CSGALNACT1: variants seen among roughly 807,000 people sequenced by gnomAD.
CSGALNACT1 encodes chondroitin sulfate N-acetylgalactosaminyltransferase 1.
In CSGALNACT1, 52 loss-of-function variants were observed where a neutral mutation model predicts 51.0. That is an observed-to-expected ratio of 1.02 (90% CI 0.82 to 1.29). The LOEUF is 1.29. Among genes scored for constraint, CSGALNACT1 ranks in the 50% most tolerant of loss-of-function variants. CSGALNACT1 has a pLI of 0.00. For synonymous variants in CSGALNACT1, 341 were observed against 254.4 expected (o/e 1.34, Z -3.24); for missense variants, 935 against 679.2 (o/e 1.38, Z -4.19).
At chr8:19,412,052 C>T (rs547410310) in intron 8 of CSGALNACT1, among the ~76,000 whole-genome samples, 27 of 152,218 alleles carry the variant, frequency 1.8e-4, no homozygotes, top group African/African-American at 6.0e-4. Flanking sequence ...AGGCTGGTCT[C>T]GAACTCCTGA....
intron 1 of CSGALNACT1, among the ~76,000 whole-genome samples, chr8:19,667,697 A>C (rs956400979): frequency 7.2e-5 from 11 of 152,206 alleles, no homozygotes; most frequent in African/African-American, 2.7e-4. Flanking sequence ...AGAGCTTTCA[A>C]AGAGCTGCAA....
intron 3 of CSGALNACT1, among the ~76,000 whole-genome samples, chr8:19,531,088 T>C (rs1400192467): frequency 2.0e-5 from 3 of 152,244 alleles, no homozygotes; most frequent in East Asian, 3.9e-4. Context: ...TGAAAACATC[T>C]TGATGATTAA....
intron 4 of CSGALNACT1, among the ~76,000 whole-genome samples, chr8:19,471,597 G>C (rs1401855238): frequency 6.6e-6 from 1 of 152,126 alleles, no homozygotes; most frequent in Non-Finnish European, 1.5e-5. Context: ...ACCTGTAGGG[G>C]TTCGACGCCG....
intron 3 of CSGALNACT1, among the ~76,000 whole-genome samples, chr8:19,542,768 A>C (rs1036893554): frequency 6.6e-6 from 1 of 152,200 alleles, no homozygotes; most frequent in African/African-American, 2.4e-5. Flanking sequence ...CTGTCACGCA[A>C]AACAAAACAA....
At chr8:19,512,900 G>A (rs1431611799) in intron 3 of CSGALNACT1, among the ~76,000 whole-genome samples, 1 of 152,186 alleles carries the variant, frequency 6.6e-6, no homozygotes, top group Non-Finnish European at 1.5e-5. Context: ...GGTGTGTTGT[G>A]TAGAAGTAGC....
At position 19,474,869 on chromosome 8, in the gene CSGALNACT1, GA is replaced by G. The variant is rs10683237; in HGVS notation, c.635-16228del. ...GCAATAAGAGTGAAACTCTGTCTCAGAAAAAAAAAAAAAAAAAGAAAAAAAA... is the reference window on the plus strand; with the variant it reads ...GCAATAAGAGTGAAACTCTGTCTCAGAAAAAAAAAAAAAAAAGAAAAAAAA... On this transcript the variant is annotated intron_variant, in intron 4 of 9. Transcript: ENST00000454498. 2.8e-3 allele frequency among the ~76,000 whole-genome samples: 237 copies of G among 86,172 alleles called. 1 individual carries two copies. The highest frequency in any genetic ancestry group is 9.8e-3 in the African/African-American group (208 of 21,264). The allele number at this position is 86,172 out of a possible 152,430, so 56.5% of individuals were successfully genotyped here. A position where few individuals can be genotyped will look rare whatever the true frequency, so the allele number is the denominator to read the frequency against.
At chr8:19,634,526 G>C (rs1467965843) in intron 1 of CSGALNACT1, among the ~76,000 whole-genome samples, 1 of 152,144 alleles carries the variant, frequency 6.6e-6, no homozygotes, top group Non-Finnish European at 1.5e-5. Context: ...ACTTGATATG[G>C]TGATGCACAC....
intron 1 of CSGALNACT1, among the ~76,000 whole-genome samples, chr8:19,749,730 C>G (rs577019245): frequency 6.6e-6 from 1 of 152,314 alleles, no homozygotes; most frequent in East Asian, 1.9e-4. Context: ...TGTAATTAAC[C>G]AAATCCCCAG....
chr8:19,570,517 G>C (rs954819317), intron 3 of CSGALNACT1, among the ~76,000 whole-genome samples: 1 of 152,130 alleles, frequency 6.6e-6, no homozygotes, highest in African/African-American at 2.4e-5. Flanking sequence ...TGAGGACAGG[G>C]ACAGAAAGGA....
At chr8:19,429,696 A>G (rs2059355474) in intron 6 of CSGALNACT1, among the ~76,000 whole-genome samples, 1 of 152,222 alleles carries the variant, frequency 6.6e-6, no homozygotes, top group Admixed American at 6.5e-5. Context: ...ATTCATGTAC[A>G]GTTATTTGTT....
At chr8:19,564,148 G>A (rs1241704748) in intron 3 of CSGALNACT1, among the ~76,000 whole-genome samples, 4 of 152,104 alleles carry the variant, frequency 2.6e-5, no homozygotes, top group Admixed American at 6.5e-5. Context: ...AGAACATTTC[G>A]CAAACTTTTA....
At chr8:19,690,567 T>C (rs929102828) in intron 1 of CSGALNACT1, among the ~76,000 whole-genome samples, 3 of 152,274 alleles carry the variant, frequency 2.0e-5, no homozygotes, top group Non-Finnish European at 4.4e-5. Context: ...CAGATTTTTT[T>C]CCTCTATAAC....
chr8:19,608,615 C>T (rs919249271), intron 1 of CSGALNACT1, among the ~76,000 whole-genome samples: 2 of 152,180 alleles, frequency 1.3e-5, no homozygotes, highest in Non-Finnish European at 2.9e-5. Context: ...CCTTTTCGGG[C>T]AAAGACAACA....
intron 3 of CSGALNACT1, among the ~76,000 whole-genome samples, chr8:19,507,528 G>GAAAAAAAAAAAAA (rs35759799): frequency 4.0e-4 from 30 of 74,878 alleles, no homozygotes; most frequent in African/African-American, 1.4e-3. Context: ...ATCTTAGCCA[G>GAAAAAAAAAAAAA]AAAAAAAAAA....
intron 1 of CSGALNACT1, among the ~76,000 whole-genome samples, chr8:19,630,840 T>A (rs997653536): frequency 1.3e-5 from 2 of 150,660 alleles, no homozygotes; most frequent in African/African-American, 4.9e-5. Flanking sequence ...GTTTTAGGGT[T>A]ACCAAAAAAG....
rs535136417 is a variant in CSGALNACT1, at chr8:19,701,278, C to T, written c.-297+56572G>A. ...TCAAGTAATTCTCGTGCCTCAGCCT[C>T]CTGGCTAGCTAGGATTACAGATGTG... On this transcript the variant is annotated intron_variant, in intron 1 of 1. Transcript: ENST00000517494. Among the ~76,000 whole-genome samples the T allele has an allele frequency of 4.6e-5, 7 of 151,318 alleles. No homozygotes were observed. In the South Asian group the frequency reaches 1.5e-3, roughly 32 times the overall value.
chr8:19,727,666 G>A (rs564144676), intron 1 of CSGALNACT1, among the ~76,000 whole-genome samples: 4 of 152,160 alleles, frequency 2.6e-5, no homozygotes, highest in East Asian at 1.9e-4. Flanking sequence ...CTATCAAGAC[G>A]GTGATATTCT....
At chr8:19,488,361 T>TTA (rs2073511807) in intron 4 of CSGALNACT1, among the ~76,000 whole-genome samples, 2 of 89,836 alleles carry the variant, frequency 2.2e-5, no homozygotes, top group Non-Finnish European at 4.5e-5. Context: ...TTATATATAT[T>TTA]TATATATACA....
intron 1 of CSGALNACT1, among the ~76,000 whole-genome samples, chr8:19,643,885 C>A (rs1170973117): frequency 6.6e-6 from 1 of 152,114 alleles, no homozygotes; most frequent in Admixed American, 6.5e-5. Context: ...AGTAATTTGG[C>A]AAGTATGAAG....
Sources: allele counts gnomAD v4.1 joint callset (sites outside exome capture counted in the v4.1 genomes callset), GRCh38; gene constraint gnomAD v4.1.1; transcripts MANE v1.5; gene names NCBI Gene and HGNC (gene_info 2026-07-23, HGNC 2026-07-21).